ACSS3: variants seen among roughly 807,000 people sequenced by gnomAD.
ACSS3 encodes the protein acyl-CoA synthetase short chain family member 3.
ACSS3 carries 64 observed loss-of-function variants against 84.2 expected under a neutral mutation model. The observed-to-expected ratio is 0.76, with a 90% CI of 0.62 to 0.94. The LOEUF (loss-of-function observed/expected upper bound fraction) is 0.94. Ranked by LOEUF, ACSS3 falls within the 40% of genes least tolerant of loss-of-function variation. The probability of loss-of-function intolerance (pLI) is 0.00; values close to 1 mark genes in which losing one functional copy is unlikely to be tolerated. For missense variants in ACSS3, 815 were observed against 867.6 expected (o/e 0.94, Z 0.76); for synonymous variants, 317 against 310.1 (o/e 1.02, Z -0.23).
intron 11 of ACSS3, among the ~76,000 whole-genome samples, chr12:81,224,467 T>G (rs145334925): frequency 6.6e-6 from 1 of 151,948 alleles, no homozygotes; most frequent in Non-Finnish European, 1.5e-5. Flanking sequence ...TATCTGGATC[T>G]TATTGCTTCT....
chr12:81,227,398 T>TACAC (rs34993441), intron 11 of ACSS3, among the ~76,000 whole-genome samples: 3,909 of 148,646 alleles, frequency 0.026, 56 homozygotes, highest in African/African-American at 0.029. Context: ...GAGGACTATT[T>TACAC]ACACACACAC....
At chr12:81,142,850 C>T (rs1886157607) in intron 4 of ACSS3, among the ~76,000 whole-genome samples, 1 of 152,162 alleles carries the variant, frequency 6.6e-6, no homozygotes, top group African/African-American at 2.4e-5. Flanking sequence ...TACTGAATTT[C>T]TAAAGGATAT....
intron 10 of ACSS3, among the ~76,000 whole-genome samples, chr12:81,218,667 T>A (rs981292456): frequency 7.2e-5 from 11 of 152,152 alleles, no homozygotes; most frequent in Admixed American, 6.6e-5. Context: ...AAATGTTTTG[T>A]GTTGAGACAT....
intron 8 of ACSS3, among the ~76,000 whole-genome samples, chr12:81,187,650 G>A (rs140610737): frequency 1.3e-5 from 2 of 151,554 alleles, no homozygotes; most frequent in Admixed American, 6.6e-5. Flanking sequence ...ATATAAACCC[G>A]TTTTGTGAAA....
At chr12:81,141,218 C>T (rs1886076413) in intron 4 of ACSS3, among the ~76,000 whole-genome samples, 1 of 152,104 alleles carries the variant, frequency 6.6e-6, no homozygotes, top group African/African-American at 2.4e-5. Flanking sequence ...TTCTGCAGGC[C>T]CTTTCCTCTA....
chr12:81,238,181 A>G (rs2033686404), intron 13 of ACSS3, among the ~76,000 whole-genome samples: 1 of 151,782 alleles, frequency 6.6e-6, no homozygotes, highest in Non-Finnish European at 1.5e-5. Context: ...TGAATTTCGA[A>G]CCAGCTTTGT....
intron 12 of ACSS3, among the ~76,000 whole-genome samples, chr12:81,231,822 AG>A (rs2033475368): frequency 1.3e-5 from 2 of 151,704 alleles, no homozygotes; most frequent in South Asian, 4.1e-4. Context: ...AAAGCACATC[AG>A]GTTCTGCTCA....
intron 9 of ACSS3, among the ~76,000 whole-genome samples, chr12:81,215,547 CATGGTAGAAGGAACACATTCTGAGTACT>C (rs1405328542): frequency 2.0e-5 from 3 of 152,220 alleles, no homozygotes; most frequent in African/African-American, 7.2e-5. Context: ...TGGTAGAGCC[CATGGTAGAAGGAACACATTCTGAGTACT>C]TTAGAAGATG....
At chr12:81,246,685 C>A (rs557994704) in intron 13 of ACSS3, among the ~76,000 whole-genome samples, 30 of 152,172 alleles carry the variant, frequency 2.0e-4, no homozygotes, top group African/African-American at 6.7e-4. Flanking sequence ...AGTTTTTAAA[C>A]TGAATGGAGC....
intron 1 of ACSS3, among the ~76,000 whole-genome samples, chr12:81,105,178 A>G (rs1389157936): frequency 1.3e-5 from 2 of 152,224 alleles, no homozygotes; most frequent in East Asian, 3.8e-4. Flanking sequence ...ACTACCTGAC[A>G]AGTATTTTAA....
intron 8 of ACSS3, among the ~76,000 whole-genome samples, chr12:81,175,495 C>T (rs992979673): frequency 3.3e-5 from 5 of 152,154 alleles, no homozygotes; most frequent in Non-Finnish European, 7.4e-5. Flanking sequence ...TGGGACTCCA[C>T]ACTCAATCAA....
Position 81,139,570 on chromosome 12 carries a change from G to T in ACSS3, c.780+305G>T, listed in dbSNP as rs972909580. Among the ~76,000 whole-genome samples the T allele has an allele frequency of 3.4e-5, 5 of 149,166 alleles. No homozygotes were observed. The East Asian group carries it at 5.8e-4, about 17-fold the overall frequency. ...TAATAATAACAAACACGAAGTGACT[G>T]CTTACCATATGATTTTTAAGACATT... On this transcript the variant is annotated intron_variant, in intron 4 of 15. Coordinates refer to ENST00000548058, the MANE Select transcript of ACSS3 (RefSeq NM_024560.4).
chr12:81,129,563 A>G (rs762637677), intron 2 of ACSS3, among the ~76,000 whole-genome samples: 7 of 151,828 alleles, frequency 4.6e-5, no homozygotes, highest in Non-Finnish European at 8.8e-5. Flanking sequence ...CCCCAACTTA[A>G]ATACATCTTG....
intron 13 of ACSS3, among the ~76,000 whole-genome samples, chr12:81,237,079 A>T (rs2033655070): frequency 6.6e-6 from 1 of 151,526 alleles, no homozygotes; most frequent in African/African-American, 2.4e-5. Context: ...ATTCTTTAAT[A>T]TATAAGTAAA....
intron 9 of ACSS3, 38 bp downstream of exon 9, chr12:81,199,482 A>G (rs2032001358): frequency 6.3e-7 from 1 of 1,579,984 alleles, no homozygotes; most frequent in Non-Finnish European, 8.7e-7. Context: ...ATAGTAAAGA[A>G]ATGTTCCAAA....
chr12:81,167,262 T>C (rs2135799596), intron 7 of ACSS3, among the ~76,000 whole-genome samples: 1 of 152,256 alleles, frequency 6.6e-6, no homozygotes, highest in South Asian at 2.1e-4. Context: ...CATTGGGGGT[T>C]GGCTTCATTA....
At chr12:81,170,462 A>G (rs991550596) in intron 7 of ACSS3, among the ~76,000 whole-genome samples, 1 of 152,120 alleles carries the variant, frequency 6.6e-6, no homozygotes, top group Non-Finnish European at 1.5e-5. Flanking sequence ...TAAATTTTAT[A>G]GTTTCTAACA....
intron 2 of ACSS3, among the ~76,000 whole-genome samples, chr12:81,118,544 G>A (rs1432813320): frequency 6.6e-6 from 1 of 151,844 alleles, no homozygotes; most frequent in Non-Finnish European, 1.5e-5. Flanking sequence ...AGTAGTGTAG[G>A]TGGAGGCATC....
intron 1 of ACSS3, among the ~76,000 whole-genome samples, chr12:81,103,740 T>A (rs12809234): frequency 0.4 from 61,382 of 151,930 alleles, 14,052 homozygotes; most frequent in Non-Finnish European, 0.53. Context: ...AAATCCTAGG[T>A]TGTTAATATT....
Sources: allele counts gnomAD v4.1 joint callset (sites outside exome capture counted in the v4.1 genomes callset), GRCh38; gene constraint gnomAD v4.1.1; transcripts MANE v1.5; gene names NCBI Gene and HGNC (gene_info 2026-07-23, HGNC 2026-07-21).